Variants in ZMYND8 observed in about 807,000 individuals in gnomAD.
The protein encoded by ZMYND8 is zinc finger MYND-type containing 8.
ZMYND8 carries 37 observed loss-of-function variants against 140.8 expected under a neutral mutation model. The ratio of observed to expected loss-of-function variants is 0.26; its 90% CI spans 0.20 to 0.35. The LOEUF is 0.35. Ranked by LOEUF, ZMYND8 falls within the 10% of genes least tolerant of loss-of-function variation. The pLI, the probability that ZMYND8 is intolerant of heterozygous loss-of-function variation, is 1.00. For missense variants in ZMYND8, 1,068 were observed against 1,570.0 expected, an observed-to-expected ratio of 0.68 and a Z score of 5.40; for synonymous variants, 592 against 597.1, an observed-to-expected ratio of 0.99 and a Z score of 0.12.
At chr20:47,231,803 AC>A (rs1321235469) in intron 16 of ZMYND8, among the ~76,000 whole-genome samples, 3 of 152,260 alleles carry the variant, frequency 2.0e-5, no homozygotes, top group Non-Finnish European at 2.9e-5. Flanking sequence ...AAATGGCTTT[AC>A]AAGAAAACTT....
In ZMYND8 at chr20:47,287,214, G is replaced by A; in HGVS notation, c.804+15C>T. On this transcript the variant is annotated intron_variant, in intron 8 of 22. Transcript: ENST00000471951. ...TTCTGGGTGCATCTAAAACAGGACA[G>A]TGGGAAACACATACCTCATGTTCAC... The A allele has an allele frequency of 6.2e-7, 1 of 1,612,500 alleles. No homozygotes were observed. The highest frequency in any genetic ancestry group is 8.5e-7 in the Non-Finnish European group (1 of 1,178,498).
intron 12 of ZMYND8, among the ~76,000 whole-genome samples, chr20:47,253,061 G>A (rs531365298): frequency 6.6e-6 from 1 of 152,320 alleles, no homozygotes; most frequent in South Asian, 2.1e-4. Context: ...ACACAGGTGG[G>A]GGCCAGATTT....
At chr20:47,237,173 C>T (rs952707432) in intron 15 of ZMYND8, 1 of 150,330 alleles carries the variant, frequency 6.7e-6, no homozygotes, top group Non-Finnish European at 1.5e-5. Context: ...TTGACAGTCT[C>T]ACTCTGTCGC....
At chr20:47,342,234 ACT>A (rs2148546105) in intron 2 of ZMYND8, among the ~76,000 whole-genome samples, 1 of 152,010 alleles carries the variant, frequency 6.6e-6, no homozygotes, top group African/African-American at 2.4e-5. Flanking sequence ...GGTTTCTAAT[ACT>A]ATTCTCCAAT....
At chr20:47,280,599 G>C (rs113878952) in intron 10 of ZMYND8, among the ~76,000 whole-genome samples, 23 of 152,236 alleles carry the variant, frequency 1.5e-4, no homozygotes, top group South Asian at 8.3e-4. Context: ...GGGTGCAAGG[G>C]GGTAGGTATT....
At chr20:47,307,499 C>T (rs1247002293) in intron 3 of ZMYND8, among the ~76,000 whole-genome samples, 1 of 152,032 alleles carries the variant, frequency 6.6e-6, no homozygotes. Context: ...CACCGGAAAG[C>T]CCAGGTACTC....
intron 14 of ZMYND8, among the ~76,000 whole-genome samples, chr20:47,240,102 G>A (rs1026557876): frequency 6.9e-6 from 1 of 145,928 alleles, no homozygotes; most frequent in African/African-American, 2.7e-5. Flanking sequence ...AGCCAGACGT[G>A]GTGGGAAACT....
At chr20:47,347,178 C>T (rs906229644) in intron 2 of ZMYND8, among the ~76,000 whole-genome samples, 1 of 152,154 alleles carries the variant, frequency 6.6e-6, no homozygotes, top group Non-Finnish European at 1.5e-5. Flanking sequence ...AAAAATACTC[C>T]AGTAGCTCAT....
intron 10 of ZMYND8, among the ~76,000 whole-genome samples, chr20:47,277,354 C>T (rs1439273214): frequency 1.3e-5 from 2 of 152,268 alleles, no homozygotes; most frequent in African/African-American, 4.8e-5. Flanking sequence ...TTCCTAACAT[C>T]CATATCCCAC....
At chr20:47,338,211 T>C (rs909654446) in intron 2 of ZMYND8, among the ~76,000 whole-genome samples, 1 of 152,078 alleles carries the variant, frequency 6.6e-6, no homozygotes, top group African/African-American at 2.4e-5. Context: ...GACGTGCACA[T>C]GGACTTTGCG....
intron 22 of ZMYND8, 34 bp from the exon 23 acceptor site, chr20:47,210,931 G>A (rs1347286887): frequency 1.9e-6 from 3 of 1,602,056 alleles, no homozygotes; most frequent in South Asian, 1.1e-5. Context: ...TAGCGTGCCT[G>A]CCCACCTGCG....
intron 9 of ZMYND8, among the ~76,000 whole-genome samples, chr20:47,282,788 T>G (rs532708963): frequency 6.6e-6 from 1 of 151,884 alleles, no homozygotes; most frequent in African/African-American, 2.4e-5. Flanking sequence ...TGTACCATTA[T>G]TATCTGGGCA....
chr20:47,255,716 A>ATGTGTGTG (rs1256666818), intron 12 of ZMYND8, among the ~76,000 whole-genome samples: 2 of 28,690 alleles, frequency 7.0e-5, no homozygotes, highest in African/African-American at 3.7e-4. Context: ...TATACCGTGT[A>ATGTGTGTG]TGTGTGTATA....
intron 12 of ZMYND8, among the ~76,000 whole-genome samples, chr20:47,254,567 A>G (rs1367014112): frequency 6.6e-6 from 1 of 152,236 alleles, no homozygotes; most frequent in Non-Finnish European, 1.5e-5. Flanking sequence ...TGAAAAGCCA[A>G]CCTGTTTCAT....
intron 21 of ZMYND8, among the ~76,000 whole-genome samples, chr20:47,213,333 C>G (rs893158976): frequency 6.6e-6 from 1 of 152,114 alleles, no homozygotes; most frequent in African/African-American, 2.4e-5. Flanking sequence ...ACAGCTGATA[C>G]CGTGAGAAGC....
At chr20:47,345,928 G>C (rs547031810) in intron 2 of ZMYND8, among the ~76,000 whole-genome samples, 1 of 152,280 alleles carries the variant, frequency 6.6e-6, no homozygotes, top group South Asian at 2.1e-4. Context: ...AAGTAGCTGG[G>C]ATGATTGGCA....
intron 2 of ZMYND8, among the ~76,000 whole-genome samples, chr20:47,320,913 C>T (rs1197664170): frequency 6.6e-6 from 1 of 151,978 alleles, no homozygotes; most frequent in Admixed American, 6.6e-5. Flanking sequence ...CATGATGCAG[C>T]CATAAAATGG....
chr20:47,303,038 A>G (rs1429231278), intron 3 of ZMYND8, among the ~76,000 whole-genome samples: 1 of 152,188 alleles, frequency 6.6e-6, no homozygotes, highest in Non-Finnish European at 1.5e-5. Flanking sequence ...TAGGACAACC[A>G]AAAACGTCTC....
rs1316933991 is a variant in ZMYND8 at position 47,246,063 on chromosome 20, C to T, written c.2229G>A (p.Gly743=). 2 of 1,613,734 alleles carry T rather than the reference C, an allele frequency of 1.2e-6. No individual in the cohort carries two copies. Among genetic ancestry groups the T allele is most frequent in the Non-Finnish European group, 1.7e-6 (2 of 1,179,910 alleles). ...LVIDLGEDHS[G]REGRKNKKEP... is the part of the protein sequence containing the mutation. ...CCTTCTTATTTTTTCGACCCTCCCGCCCAGAATGGTCTTCTCCTAAATCTA... is the reference window on the plus strand; with the variant it reads ...CCTTCTTATTTTTTCGACCCTCCCGTCCAGAATGGTCTTCTCCTAAATCTA... The change falls in exon 14 of 23, where the codon GGG becomes GGA. Residue 743 remains glycine (G), a synonymous_variant. Coordinates refer to ENST00000471951, the MANE Select transcript of ZMYND8 (RefSeq NM_001281775.3).
Sources: gnomAD v4.1 joint callset for allele counts (sites outside exome capture counted in the v4.1 genomes callset) on GRCh38, gnomAD v4.1.1 for gene constraint, MANE v1.5 for transcripts, NCBI Gene and HGNC (gene_info 2026-07-23, HGNC 2026-07-21) for gene names.